PNPLA1: variants seen among roughly 807,000 people sequenced by gnomAD.
PNPLA1 encodes patatin like domain 1, omega-hydroxyceramide transacylase.
Under a neutral mutation model 51.7 loss-of-function variants are expected in PNPLA1, and 36 were observed. The ratio of observed to expected loss-of-function variants is 0.70; its 90% CI spans 0.53 to 0.92. The LOEUF is 0.92. Ranked by LOEUF, PNPLA1 falls within the 40% of genes least tolerant of loss-of-function variation. The pLI is 0.00. For missense variants in PNPLA1, 658 were observed against 682.5 expected, an observed-to-expected ratio of 0.96 and a Z score of 0.40; for synonymous variants, 293 against 280.1, an observed-to-expected ratio of 1.05 and a Z score of -0.46.
intron 1 of PNPLA1, among the ~76,000 whole-genome samples, chr6:36,245,635 T>C (rs975223470): frequency 7.9e-5 from 12 of 152,192 alleles, no homozygotes; most frequent in African/African-American, 2.9e-4. Context: ...CAGCACACAG[T>C]AGGTGAGTAC....
intron 1 of PNPLA1, among the ~76,000 whole-genome samples, chr6:36,285,274 C>T (rs1017472751): frequency 4.6e-5 from 7 of 152,318 alleles, no homozygotes; most frequent in Middle Eastern, 6.8e-3. Flanking sequence ...GCGCGCCCAC[C>T]ACGCACGCTG....
chr6:36,254,077 A>G (rs1769478539), intron 1 of PNPLA1, among the ~76,000 whole-genome samples: 1 of 152,238 alleles, frequency 6.6e-6, no homozygotes, highest in Non-Finnish European at 1.5e-5. Flanking sequence ...TAAAAAAAAC[A>G]AAATTGCAAC....
chr6:36,254,749 C>T lies in PNPLA1; in HGVS notation c.-81+11488C>T, dbSNP rs925439823. On this transcript the variant is annotated intron_variant, in intron 1 of 7. Coordinates refer to the PNPLA1 transcript ENST00000312917. ...AACTCTGAGCCTTGGATTCAGGCCCCTCTCAGGGGCTGAGACCTCTCTGGG... is the reference window on the plus strand; with the variant it reads ...AACTCTGAGCCTTGGATTCAGGCCCTTCTCAGGGGCTGAGACCTCTCTGGG... Among the ~76,000 whole-genome samples, 14 of 152,228 alleles carry T rather than the reference C, an allele frequency of 9.2e-5. No homozygotes were observed. The East Asian group carries it at 2.5e-3, about 27-fold the overall frequency.
intron 1 of PNPLA1, among the ~76,000 whole-genome samples, chr6:36,262,000 C>T (rs149604924): frequency 3.9e-5 from 6 of 152,290 alleles, no homozygotes; most frequent in East Asian, 1.9e-4. Flanking sequence ...AGGATGAGCA[C>T]GGCTTTTTAT....
intron 1 of PNPLA1, among the ~76,000 whole-genome samples, chr6:36,253,686 C>T (rs181456478): frequency 7.6e-4 from 115 of 152,184 alleles, no homozygotes; most frequent in African/African-American, 2.3e-3. Context: ...GATATTTTGC[C>T]CAGGCTGGTC....
chr6:36,311,173 C>T (rs778253172), intron 8 of PNPLA1, among the ~76,000 whole-genome samples: 4 of 152,160 alleles, frequency 2.6e-5, no homozygotes, highest in Admixed American at 6.5e-5. Flanking sequence ...GACTGATGCA[C>T]GCTGGAGTTT....
chr6:36,292,359 G>C (rs6903010), intron 2 of PNPLA1, among the ~76,000 whole-genome samples: 2 of 151,324 alleles, frequency 1.3e-5, no homozygotes, highest in African/African-American at 4.9e-5. Flanking sequence ...GCCCACCCCC[G>C]TTCTGACTTC....
At chr6:36,300,178 T>TGTGAGAGAGAGA in intron 5 of PNPLA1, among the ~76,000 whole-genome samples, 1 of 98,088 alleles carries the variant, frequency 1.0e-5, no homozygotes, top group African/African-American at 3.3e-5. Flanking sequence ...TGTGTGTGTG[T>TGTGAGAGAGAGA]GAGAGAGAGA....
intron 3 of PNPLA1, among the ~76,000 whole-genome samples, chr6:36,293,668 A>G (rs73421643): frequency 0.024 from 3,657 of 152,228 alleles, 149 homozygotes; most frequent in African/African-American, 0.077. Flanking sequence ...CCCCCTCCTC[A>G]TTTTATATGC....
At chr6:36,289,188 A>G (rs1770598066) in intron 1 of PNPLA1, among the ~76,000 whole-genome samples, 1 of 152,210 alleles carries the variant, frequency 6.6e-6, no homozygotes, top group Non-Finnish European at 1.5e-5. Flanking sequence ...TTTTTGTAAT[A>G]AGAACAAATT....
chr6:36,264,680 T>A lies in PNPLA1; in HGVS notation c.-81+21419T>A, dbSNP rs896151327. Among the ~76,000 whole-genome samples the A allele has an allele frequency of 5.3e-5, 8 of 152,146 alleles. No homozygotes were observed. In the East Asian group the frequency reaches 1.3e-3, roughly 26 times the overall value. ...ACCAGGGAAATAGCTGAGCCAAATG[T>A]AGTAAAATGTTAAGATTTCTTCAGT... On this transcript the variant is annotated intron_variant, in intron 1 of 7. Transcript: ENST00000312917.
chr6:36,287,658 G>A (rs1358598516), intron 1 of PNPLA1, among the ~76,000 whole-genome samples: 1 of 152,080 alleles, frequency 6.6e-6, no homozygotes, highest in African/African-American at 2.4e-5. Context: ...TGTTTAACCA[G>A]ATTAGTTGCT....
chr6:36,248,156 G>A (rs910476618), intron 1 of PNPLA1, among the ~76,000 whole-genome samples: 4 of 152,048 alleles, frequency 2.6e-5, no homozygotes, highest in Non-Finnish European at 4.4e-5. Flanking sequence ...AATCCACACC[G>A]AACACTCAGA....
chr6:36,259,527 T>C (rs976477524), intron 1 of PNPLA1, among the ~76,000 whole-genome samples: 1 of 152,134 alleles, frequency 6.6e-6, no homozygotes, highest in Non-Finnish European at 1.5e-5. Flanking sequence ...CATTTTTATG[T>C]ACTGTATCTC....
chr6:36,265,941 G>T (rs1424400443), upstream of PNPLA1, among the ~76,000 whole-genome samples: 1 of 152,102 alleles, frequency 6.6e-6, no homozygotes, highest in African/African-American at 2.4e-5. Flanking sequence ...CAGAGGTTAG[G>T]TTATAAAAAG....
intron 8 of PNPLA1, among the ~76,000 whole-genome samples, chr6:36,310,164 A>G (rs1771356730): frequency 6.6e-6 from 1 of 152,214 alleles, no homozygotes. Flanking sequence ...TTTCTCTTTC[A>G]TGGGCCTATG....
intron 1 of PNPLA1, among the ~76,000 whole-genome samples, chr6:36,288,692 T>A (rs1770582927): frequency 6.6e-6 from 1 of 151,746 alleles, no homozygotes; most frequent in Admixed American, 6.6e-5. Flanking sequence ...TCTCCTGACC[T>A]CATGATCCAC....
intron 6 of PNPLA1, among the ~76,000 whole-genome samples, chr6:36,305,991 G>A (rs554317424): frequency 2.2e-4 from 33 of 152,214 alleles, no homozygotes; most frequent in Non-Finnish European, 4.4e-4. Context: ...CTGGCCTCAA[G>A]TGATCTGCCC....
chr6:36,266,923 T>C (rs918859399), upstream of PNPLA1, among the ~76,000 whole-genome samples: 4 of 152,156 alleles, frequency 2.6e-5, no homozygotes, highest in African/African-American at 9.7e-5. Context: ...AAGCAAAGGG[T>C]GATACCCCAT....
Sources: allele counts gnomAD v4.1 joint callset (sites outside exome capture counted in the v4.1 genomes callset), GRCh38; gene constraint gnomAD v4.1.1; transcripts MANE v1.5; gene names NCBI Gene and HGNC (gene_info 2026-07-23, HGNC 2026-07-21).